SLC22A15: variants seen among roughly 807,000 people sequenced by gnomAD.
The protein encoded by SLC22A15 is flipt 1.
A neutral mutation model predicts 62.7 loss-of-function variants in SLC22A15; 45 were observed. The ratio of observed to expected loss-of-function variants is 0.72; its 90% CI spans 0.56 to 0.92. The LOEUF (loss-of-function observed/expected upper bound fraction) is 0.92, where lower values mean the gene tolerates loss of function less well. Ranked by LOEUF, SLC22A15 falls within the 40% of genes least tolerant of loss-of-function variation. The pLI is 0.00. For synonymous variants in SLC22A15, 264 were observed against 267.0 expected (o/e 0.99, Z 0.11); for missense variants, 622 against 665.6 (o/e 0.93, Z 0.72).
rs1185069282 is a variant in SLC22A15, at chr1:116,055,609, G to T, written c.1172-7153G>T. 3.3e-5 allele frequency among the ~76,000 whole-genome samples: 5 copies of T among 150,690 alleles called. No homozygotes were observed. The South Asian group carries it at 8.5e-4, about 26-fold the overall frequency. ...CGGGCAGAGACACAACCAAAAAAGAGAATTTTAGACCAATATCCTTGATGA... is the reference window on the plus strand; with the variant it reads ...CGGGCAGAGACACAACCAAAAAAGATAATTTTAGACCAATATCCTTGATGA... On this transcript the variant is annotated intron_variant, in intron 8 of 11. Coordinates refer to ENST00000369503, the MANE Select transcript of SLC22A15 (RefSeq NM_018420.3).
intron 2 of SLC22A15, among the ~76,000 whole-genome samples, chr1:115,992,926 A>G (rs377701216): frequency 2.0e-5 from 3 of 152,208 alleles, no homozygotes; most frequent in South Asian, 2.1e-4. Context: ...CGCCTGGCCT[A>G]TAGTTCATTT....
intron 8 of SLC22A15, among the ~76,000 whole-genome samples, chr1:116,041,314 T>C (rs532962207): frequency 1.3e-5 from 2 of 152,290 alleles, no homozygotes; most frequent in South Asian, 2.1e-4. Context: ...ATTTACAATC[T>C]AATGAGAGTA....
At chr1:115,997,422 C>T (rs1320397427) in intron 2 of SLC22A15, among the ~76,000 whole-genome samples, 1 of 152,080 alleles carries the variant, frequency 6.6e-6, no homozygotes, top group African/African-American at 2.4e-5. Flanking sequence ...ATTGATTCTT[C>T]CAATCCATTA....
intron 9 of SLC22A15, among the ~76,000 whole-genome samples, 180 bp downstream of exon 9, chr1:116,063,062 A>G (rs940648234): frequency 1.3e-5 from 2 of 152,236 alleles, no homozygotes; most frequent in Admixed American, 1.3e-4. Flanking sequence ...CTGCTCTGCT[A>G]GGAAAATGTC....
chr1:116,016,040 T>C (rs540878048), intron 2 of SLC22A15, among the ~76,000 whole-genome samples: 1 of 152,254 alleles, frequency 6.6e-6, no homozygotes, highest in East Asian at 1.9e-4. Flanking sequence ...GCTGGAGCTC[T>C]TTTAATCTCT....
At chr1:116,017,149 A>G (rs1470676340) in intron 2 of SLC22A15, among the ~76,000 whole-genome samples, 1 of 152,018 alleles carries the variant, frequency 6.6e-6, no homozygotes, top group Non-Finnish European at 1.5e-5. Flanking sequence ...ATTTTCCCCG[A>G]AGAGTTTTTT....
Position 116,062,873 on chromosome 1 carries a change from C to G in SLC22A15, c.1283C>G (p.Thr428Arg). 1 of 1,613,582 alleles carries G rather than the reference C, an allele frequency of 6.2e-7. No homozygotes were observed. The highest frequency in any genetic ancestry group is 1.1e-5 in the South Asian group (1 of 91,068). Residue 428 changes from threonine (T) to arginine (R), a missense_variant, in exon 9 of 12, where the codon ACA becomes AGA. By Grantham distance (71) the Thr-to-Arg change is moderately conservative. Transcript: ENST00000369503. ...VYIYTSELYPTVIRNVGLGTC... is the reference protein window; with the variant it reads ...VYIYTSELYPRVIRNVGLGTC... ...ATCTACACCTCTGAGCTTTACCCTA[C>G]AGTCATCAGGTACGTGTCTCACACA...
At chr1:116,029,793 G>A (rs1023763876) in intron 5 of SLC22A15, among the ~76,000 whole-genome samples, 3 of 152,200 alleles carry the variant, frequency 2.0e-5, no homozygotes, top group Middle Eastern at 3.4e-3. Flanking sequence ...AGGAGAAAAT[G>A]ACATATAACC....
At chr1:116,016,289 C>T (rs563063393) in intron 2 of SLC22A15, among the ~76,000 whole-genome samples, 1 of 151,842 alleles carries the variant, frequency 6.6e-6, no homozygotes, top group South Asian at 2.1e-4. Context: ...CCCAGGCTCA[C>T]TGTAATGGCT....
At chr1:116,000,697 C>A (rs1655684646) in intron 2 of SLC22A15, among the ~76,000 whole-genome samples, 1 of 138,404 alleles carries the variant, frequency 7.2e-6, no homozygotes, top group South Asian at 2.3e-4. Context: ...GTGGCTTGAT[C>A]CCGGCTCACT....
At chr1:116,062,461 A>G (rs539263041) in intron 8 of SLC22A15, among the ~76,000 whole-genome samples, 2 of 152,344 alleles carry the variant, frequency 1.3e-5, no homozygotes, top group East Asian at 1.9e-4. Flanking sequence ...TATAATTTCC[A>G]TGAAGCTTAC....
chr1:115,993,896 G>C (rs1361619274), intron 2 of SLC22A15, among the ~76,000 whole-genome samples: 3 of 152,178 alleles, frequency 2.0e-5, no homozygotes, highest in South Asian at 4.2e-4. Context: ...CAAGCTCTCA[G>C]CATAACCTAT....
chr1:116,016,439 C>T (rs576665614), intron 2 of SLC22A15, among the ~76,000 whole-genome samples: 15 of 152,276 alleles, frequency 9.9e-5, no homozygotes, highest in Non-Finnish European at 2.2e-4. Context: ...GTTGCCCAGG[C>T]TGCTCTTGAA....
chr1:116,035,468 T>G (rs760548352), intron 7 of SLC22A15, 141 bp downstream of exon 7: 21 of 658,062 alleles, frequency 3.2e-5, no homozygotes, highest in Non-Finnish European at 4.5e-5. Context: ...TAGAGTTTCT[T>G]TCCATCTAAA....
At chr1:116,007,136 C>A (rs1029276098) in intron 2 of SLC22A15, among the ~76,000 whole-genome samples, 1 of 152,164 alleles carries the variant, frequency 6.6e-6, no homozygotes, top group African/African-American at 2.4e-5. Flanking sequence ...AAATTATCCA[C>A]CCTCAGAGGT....
At position 116,066,663 on chromosome 1, in the gene SLC22A15, G is replaced by T. The variant is rs1658507072; in HGVS notation, c.1509G>T (p.Arg503Ser). 6.2e-7 allele frequency: 1 copy of T among 1,612,884 alleles called. No homozygotes were observed. The highest frequency in any genetic ancestry group is 8.5e-7 in the Non-Finnish European group (1 of 1,179,558). Residue 503 changes from arginine (R) to serine (S), a missense_variant, in exon 11 of 12, where the codon AGG (arginine) becomes AGT (serine). Transcript: ENST00000369503. Reference sequence around the variant, plus strand: ...ACCTTCAGGTGTATTCGTATCGCAGGCTGGGAGAAGAAGCATTATCTTTAC... The same window carrying T: ...ACCTTCAGGTGTATTCGTATCGCAGTCTGGGAGAAGAAGCATTATCTTTAC... Reference protein sequence around the residue: ...FSDLQVYSYRRLGEEALSLQA... With the variant: ...FSDLQVYSYRSLGEEALSLQA...
At chr1:116,063,873 A>G (rs1257781956) in intron 9 of SLC22A15, among the ~76,000 whole-genome samples, 3 of 151,674 alleles carry the variant, frequency 2.0e-5, no homozygotes, top group African/African-American at 7.3e-5. Flanking sequence ...TTATGCCTGC[A>G]CTCCCCATAA....
intron 2 of SLC22A15, among the ~76,000 whole-genome samples, chr1:116,014,788 T>C (rs1348230484): frequency 1.3e-5 from 2 of 152,252 alleles, no homozygotes; most frequent in Non-Finnish European, 2.9e-5. Flanking sequence ...GCCACACTTA[T>C]CATATTTAGG....
In SLC22A15 at chr1:116,019,702, G is replaced by A; in HGVS notation, c.421G>A (p.Val141Ile). The change falls in exon 3 of 12, where the codon GTC (valine) becomes ATC (isoleucine). Residue 141 changes from valine (V) to isoleucine (I), a missense_variant. By Grantham distance (29) the Val-to-Ile change is conservative. Coordinates refer to ENST00000369503, the MANE Select transcript of SLC22A15 (RefSeq NM_018420.3). ...TTCAGATCGCTTCGGAAGGAAAAAA[G>A]TCTATCTCACAGGTAATCTATTAGA... ...QLSDRFGRKK[V>I]YLTGFALDIL... 6.2e-7 allele frequency: 1 copy of A among 1,612,752 alleles called. No individual in the cohort carries two copies. The highest frequency in any genetic ancestry group is 8.5e-7 in the Non-Finnish European group (1 of 1,179,598).
Sources: gnomAD v4.1 joint callset for allele counts (sites outside exome capture counted in the v4.1 genomes callset) on GRCh38, gnomAD v4.1.1 for gene constraint, MANE v1.5 for transcripts, NCBI Gene and HGNC (gene_info 2026-07-23, HGNC 2026-07-21) for gene names.